USP48: variants seen among roughly 807,000 people sequenced by gnomAD.
USP48 encodes ubiquitin specific peptidase 48, also known as ubiquitin carboxyl-terminal hydrolase 48.
A neutral mutation model predicts 150.7 loss-of-function variants in USP48; 43 were observed. The observed-to-expected ratio is 0.29, with a 90% CI of 0.22 to 0.37. The LOEUF (loss-of-function observed/expected upper bound fraction) is 0.37, where lower values mean the gene tolerates loss of function less well. Ranked by LOEUF, USP48 falls within the 10% of genes least tolerant of loss-of-function variation. The pLI, the probability that USP48 is intolerant of heterozygous loss-of-function variation, is 1.00. For missense variants in USP48, 813 were observed against 1,249.6 expected (o/e 0.65, Z 5.27); for synonymous variants, 396 against 425.9 (o/e 0.93, Z 0.86).
chr1:21,689,601 T>C (rs946976863), intron 24 of USP48, among the ~76,000 whole-genome samples: 1 of 152,154 alleles, frequency 6.6e-6, no homozygotes, highest in African/African-American at 2.4e-5. Context: ...ACCACTGCCC[T>C]GCCCTACCAG....
intron 8 of USP48, among the ~76,000 whole-genome samples, chr1:21,743,862 T>TA (rs1291427222): frequency 4.6e-5 from 7 of 152,074 alleles, no homozygotes; most frequent in Non-Finnish European, 1.0e-4. Flanking sequence ...TATGCTGAGA[T>TA]ACATGAAACT....
Position 21,760,244 on chromosome 1 carries a change from T to G in USP48, c.135-2461A>C, listed in dbSNP as rs184006593. ...AGGAAACCAAAGAGACACAACTGAATGTAACATAAGCTTAGGTTTTCTTTT... is the reference window on the plus strand; with the variant it reads ...AGGAAACCAAAGAGACACAACTGAAGGTAACATAAGCTTAGGTTTTCTTTT... On this transcript the variant is annotated intron_variant, in intron 1 of 26. Transcript: ENST00000308271. Among the ~76,000 whole-genome samples, 216 of 152,338 alleles carry G rather than the reference T, an allele frequency of 1.4e-3. No homozygotes were observed. In the Middle Eastern group the frequency reaches 0.017, roughly 12 times the overall value.
intron 1 of USP48, 40 bp from the exon 2 acceptor site, chr1:21,757,823 T>C (rs1250809502): frequency 1.3e-6 from 2 of 1,553,754 alleles, no homozygotes; most frequent in South Asian, 1.2e-5. Flanking sequence ...TAAAAGACCA[T>C]AGTTTCATGA....
intron 22 of USP48, 115 bp downstream of exon 22, chr1:21,701,383 A>T: frequency 2.8e-6 from 2 of 725,502 alleles, no homozygotes; most frequent in Non-Finnish European, 4.4e-6. Context: ...AAAAAAAAAG[A>T]AAAAAAAAGA....
chr1:21,680,894 T>C, intron 25 of USP48, 60 bp from the exon 26 acceptor site: 1 of 1,360,062 alleles, frequency 7.4e-7, no homozygotes, highest in Non-Finnish European at 1.0e-6. Flanking sequence ...CAGACAGTAA[T>C]ATCATTTCAA....
At chr1:21,720,218 A>C (rs1330710132) in intron 14 of USP48, among the ~76,000 whole-genome samples, 1 of 152,200 alleles carries the variant, frequency 6.6e-6, no homozygotes. Flanking sequence ...TCCAAAACCA[A>C]AATGTACTGA....
chr1:21,716,203 TAAAG>T (rs530853316), intron 14 of USP48, among the ~76,000 whole-genome samples: 21 of 152,218 alleles, frequency 1.4e-4, no homozygotes, highest in Non-Finnish European at 2.1e-4. Flanking sequence ...CCGTTCCACT[TAAAG>T]GAAGCACTTT....
chr1:21,754,409 A>C (rs2097825952), intron 3 of USP48, among the ~76,000 whole-genome samples: 1 of 152,212 alleles, frequency 6.6e-6, no homozygotes, highest in Non-Finnish European at 1.5e-5. Context: ...TGAAAGTTTT[A>C]ATGAGCTAGT....
At chr1:21,680,668 A>C in intron 26 of USP48, 140 bp downstream of exon 26, 1 of 802,308 alleles carries the variant, frequency 1.2e-6, no homozygotes, top group Non-Finnish European at 2.0e-6. Context: ...TTGAGTAAGA[A>C]ATGCATTTAA....
At chr1:21,701,683 C>T in intron 21 of USP48, 81 bp from the exon 22 acceptor site, 1 of 1,051,946 alleles carries the variant, frequency 9.5e-7, no homozygotes, top group East Asian at 2.4e-5. Flanking sequence ...CTGGGACCGG[C>T]AACCTTTATC....
intron 19 of USP48, among the ~76,000 whole-genome samples, chr1:21,705,053 T>G (rs2097668270): frequency 6.6e-6 from 1 of 151,808 alleles, no homozygotes; most frequent in African/African-American, 2.4e-5. Flanking sequence ...AGGGAGAAAA[T>G]GTAGAGAATA....
intron 15 of USP48, among the ~76,000 whole-genome samples, chr1:21,714,891 C>A (rs1341124342): frequency 6.6e-6 from 1 of 152,076 alleles, no homozygotes; most frequent in Admixed American, 6.5e-5. Flanking sequence ...TGCCTATAAT[C>A]CCACCACTAT....
chr1:21,730,557 G>A (rs1277092347), intron 9 of USP48, among the ~76,000 whole-genome samples: 2 of 151,390 alleles, frequency 1.3e-5, no homozygotes, highest in Non-Finnish European at 2.9e-5. Context: ...AGTCGGGCAT[G>A]TTGGCACATG....
chr1:21,724,633 C>T (rs1397516081), intron 11 of USP48: 1 of 155,846 alleles, frequency 6.4e-6, no homozygotes, highest in Non-Finnish European at 1.4e-5. Flanking sequence ...TTTCTTCATC[C>T]AAGATGATAC....
At position 21,679,180 on chromosome 1, in the gene USP48, C is replaced by A. The variant is rs2097558687; in HGVS notation, c.*237G>T. ...TCCGTCTTTACTTGCCCCCTCCCACCCACCACCCCCCTTAAATATAAAATT... is the reference window on the plus strand; with the variant it reads ...TCCGTCTTTACTTGCCCCCTCCCACACACCACCCCCCTTAAATATAAAATT... On this transcript the variant is annotated 3_prime_UTR_variant, in exon 27 of 27. Coordinates refer to ENST00000308271, the MANE Select transcript of USP48 (RefSeq NM_032236.8). 2.3e-6 allele frequency: 1 copy of A among 431,800 alleles called. No individual in the cohort carries two copies. The allele number at this position is 431,800 out of a possible 1,614,324, so 26.7% of individuals were successfully genotyped here.
At chr1:21,766,539 C>T (rs1409292920) in intron 1 of USP48, among the ~76,000 whole-genome samples, 2 of 152,002 alleles carry the variant, frequency 1.3e-5, no homozygotes, top group South Asian at 2.1e-4. Context: ...AGAGTACACA[C>T]GATGAGTGGA....
At chr1:21,696,237 G>C (rs995431046) in intron 22 of USP48, among the ~76,000 whole-genome samples, 2 of 152,006 alleles carry the variant, frequency 1.3e-5, no homozygotes, top group Non-Finnish European at 2.9e-5. Flanking sequence ...TCAGGAGTTC[G>C]AGACCAGCCT....
chr1:21,699,814 C>CCACACACACACA (rs10660046), intron 22 of USP48, among the ~76,000 whole-genome samples: 33 of 149,264 alleles, frequency 2.2e-4, no homozygotes, highest in African/African-American at 6.6e-4. Context: ...CTGCGCCTGG[C>CCACACACACACA]CACACACACA....
chr1:21,703,592 A>G lies in USP48; in HGVS notation c.2542T>C (p.Leu848=), dbSNP rs1384465674. The G allele has an allele frequency of 2.5e-6, 4 of 1,610,786 alleles. No individual in the cohort carries two copies. The Admixed American group carries it at 5.0e-5, about 20-fold the overall frequency. The change falls in exon 21 of 27, where the codon TTA becomes CTA. Residue 848 remains leucine (L), a synonymous_variant. Coordinates refer to ENST00000308271, the MANE Select transcript of USP48 (RefSeq NM_032236.8). ...AGGTCCCTCTGCTGCTGACACAATAAGCCTTCTCTGCATTCTGGACAGAGT... is the reference window on the plus strand; with the variant it reads ...AGGTCCCTCTGCTGCTGACACAATAGGCCTTCTCTGCATTCTGGACAGAGT... The part of the protein sequence containing the change: ...PKLCPECREG[L]LCQQQRDLRE...
Sources: allele counts gnomAD v4.1 joint callset (sites outside exome capture counted in the v4.1 genomes callset), GRCh38; gene constraint gnomAD v4.1.1; transcripts MANE v1.5; gene names NCBI Gene and HGNC (gene_info 2026-07-23, HGNC 2026-07-21).